Variants in FAF1 observed in about 807,000 individuals in gnomAD.
FAF1 encodes the protein Fas associated factor 1, also known as FAS-associated factor 1.
A neutral mutation model predicts 92.5 loss-of-function variants in FAF1; 25 were observed. The ratio of observed to expected loss-of-function variants is 0.27; its 90% confidence interval spans 0.20 to 0.38. The LOEUF (loss-of-function observed/expected upper bound fraction) is 0.38. FAF1 is among the 10% of genes least tolerant of loss of function. The probability of loss-of-function intolerance (pLI) is 1.00; values close to 1 mark genes in which losing one functional copy is unlikely to be tolerated. For synonymous variants in FAF1, 234 were observed against 273.2 expected (o/e 0.86, Z 1.42); for missense variants, 636 against 793.3 (o/e 0.80, Z 2.38).
intron 13 of FAF1, among the ~76,000 whole-genome samples, chr1:50,565,567 C>T (rs761556131): frequency 3.9e-5 from 6 of 152,010 alleles, no homozygotes; most frequent in Non-Finnish European, 7.4e-5. Context: ...ACTCTTATTA[C>T]TAGTGTATCA....
At chr1:50,691,318 C>T (rs1174457674) in intron 7 of FAF1, among the ~76,000 whole-genome samples, 1 of 151,954 alleles carries the variant, frequency 6.6e-6, no homozygotes, top group Non-Finnish European at 1.5e-5. Context: ...TCTCAGCTCA[C>T]TGCAGCCTCC....
chr1:50,797,761 C>T (rs1232023279), intron 3 of FAF1, among the ~76,000 whole-genome samples: 2 of 152,186 alleles, frequency 1.3e-5, no homozygotes, highest in African/African-American at 4.8e-5. Flanking sequence ...GACCCAGTTA[C>T]TCAGGAGGCT....
intron 2 of FAF1, among the ~76,000 whole-genome samples, chr1:50,845,608 C>T (rs904977595): frequency 1.3e-5 from 2 of 152,082 alleles, no homozygotes; most frequent in African/African-American, 4.8e-5. Context: ...ACAGAAGATG[C>T]TAACTGCTTG....
At chr1:50,793,171 C>A (rs1454562181) in intron 3 of FAF1, among the ~76,000 whole-genome samples, 1 of 152,094 alleles carries the variant, frequency 6.6e-6, no homozygotes, top group Non-Finnish European at 1.5e-5. Context: ...CTTCCGGTTT[C>A]CAAACACAAG....
intron 4 of FAF1, among the ~76,000 whole-genome samples, chr1:50,779,882 A>G (rs1046334510): frequency 1.3e-5 from 2 of 151,984 alleles, no homozygotes; most frequent in Non-Finnish European, 2.9e-5. Context: ...AGGGAATTCA[A>G]GACCAGCCTG....
chr1:50,919,527 G>A (rs1200308485), intron 1 of FAF1, among the ~76,000 whole-genome samples: 1 of 148,006 alleles, frequency 6.8e-6, no homozygotes, highest in Non-Finnish European at 1.5e-5. Flanking sequence ...TCGCTCTGTT[G>A]TCCAGGCTGG....
At chr1:50,833,643 C>T (rs1644175485) in intron 2 of FAF1, among the ~76,000 whole-genome samples, 1 of 152,114 alleles carries the variant, frequency 6.6e-6, no homozygotes, top group African/African-American at 2.4e-5. Flanking sequence ...AGCTTCTAAT[C>T]AAGGCTTGTT....
At chr1:50,879,256 AAATGAATGAATG>A (rs57298510) in intron 1 of FAF1, among the ~76,000 whole-genome samples, 6 of 151,070 alleles carry the variant, frequency 4.0e-5, no homozygotes, top group Admixed American at 6.6e-5. Context: ...AAAAATAAAC[AAATGAATGAATG>A]AATGAATGAA....
chr1:50,871,592 A>G (rs1335513157), intron 1 of FAF1, among the ~76,000 whole-genome samples: 1 of 152,212 alleles, frequency 6.6e-6, no homozygotes, highest in Admixed American at 6.5e-5. Context: ...ATGACAGCAC[A>G]TCTCTTTACC....
rs1200060218 is a variant in FAF1 at position 50,696,829 on chromosome 1, T to G, written c.657+8957A>C. Among the ~76,000 whole-genome samples, 2 of 152,138 alleles carry G rather than the reference T, an allele frequency of 1.3e-5. 1 individual carries two copies. Among genetic ancestry groups the G allele is most frequent in the South Asian group, 4.1e-4 (2 of 4,832 alleles). On this transcript the variant is annotated intron_variant, in intron 7 of 18. Coordinates refer to ENST00000396153, the MANE Select transcript of FAF1 (RefSeq NM_007051.3). ...GTATTATTTTTCCTACTGCCCTCCC[T>G]CCACCCCCATGCATTAGCTGTAAGT... is the stretch of plus-strand genomic sequence containing the variant.
chr1:50,588,210 G>T (rs914821623), intron 9 of FAF1, among the ~76,000 whole-genome samples: 1 of 152,146 alleles, frequency 6.6e-6, no homozygotes, highest in Non-Finnish European at 1.5e-5. Context: ...TCACTTGAAC[G>T]TGGGAGATGG....
At chr1:50,468,978 A>G (rs1646535644) in intron 18 of FAF1, among the ~76,000 whole-genome samples, 1 of 152,240 alleles carries the variant, frequency 6.6e-6, no homozygotes, top group African/African-American at 2.4e-5. Context: ...AAGAAATATA[A>G]ACTGCCCTTG....
intron 8 of FAF1, among the ~76,000 whole-genome samples, chr1:50,602,258 A>G (rs1425999579): frequency 6.6e-6 from 1 of 152,212 alleles, no homozygotes; most frequent in African/African-American, 2.4e-5. Context: ...TTTAAAAACC[A>G]TATCTCAAGC....
intron 15 of FAF1, among the ~76,000 whole-genome samples, chr1:50,496,214 T>C (rs1238198650): frequency 1.3e-5 from 2 of 152,172 alleles, no homozygotes; most frequent in Non-Finnish European, 2.9e-5. Context: ...AGAACACTTA[T>C]TGGTTTTTCT....
intron 1 of FAF1, among the ~76,000 whole-genome samples, chr1:50,897,187 C>G (rs1644764656): frequency 6.6e-6 from 1 of 152,070 alleles, no homozygotes; most frequent in African/African-American, 2.4e-5. Context: ...GAGAGATAGT[C>G]CATGTTCATA....
At chr1:50,468,180 G>C (rs929374682) in intron 18 of FAF1, among the ~76,000 whole-genome samples, 3 of 152,070 alleles carry the variant, frequency 2.0e-5, no homozygotes, top group Non-Finnish European at 4.4e-5. Flanking sequence ...CTGCACTCCA[G>C]CCTGTATGAC....
rs140439508 is a variant in FAF1, at chr1:50,671,222, C to T, written c.658-15694G>A. 4.4e-3 allele frequency among the ~76,000 whole-genome samples: 668 copies of T among 152,000 alleles called. 4 individuals are homozygous for T. Among genetic ancestry groups the T allele is most frequent in the African/African-American group, 0.016 (651 of 41,480 alleles). ...GAGATCACGATCAGCCTGGCCAACACTGTGAAACCTCATCTCTACTAAAAA... is the reference window on the plus strand; with the variant it reads ...GAGATCACGATCAGCCTGGCCAACATTGTGAAACCTCATCTCTACTAAAAA... On this transcript the variant is annotated intron_variant, in intron 7 of 18. Transcript: ENST00000396153.
intron 1 of FAF1, among the ~76,000 whole-genome samples, chr1:50,907,333 A>G (rs1439472668): frequency 6.6e-6 from 1 of 152,182 alleles, no homozygotes; most frequent in Non-Finnish European, 1.5e-5. Flanking sequence ...ATATTAGTCT[A>G]AAATTCTCTT....
At chr1:50,585,433 G>C (rs3789585) in intron 9 of FAF1, among the ~76,000 whole-genome samples, 13,969 of 152,160 alleles carry the variant, frequency 0.092, 823 homozygotes, top group African/African-American at 0.17. Context: ...TACCTGCTGA[G>C]CACTGATGAA....
Sources: gnomAD v4.1 joint callset for allele counts (sites outside exome capture counted in the v4.1 genomes callset) on GRCh38, gnomAD v4.1.1 for gene constraint, MANE v1.5 for transcripts, NCBI Gene and HGNC (gene_info 2026-07-23, HGNC 2026-07-21) for gene names.